Variants in PRTG observed in about 807,000 individuals in gnomAD.
PRTG encodes protogenin.
In PRTG, 67 loss-of-function variants were observed where a neutral mutation model predicts 122.5. The ratio of observed to expected loss-of-function variants is 0.55; its 90% CI spans 0.45 to 0.67. The LOEUF (loss-of-function observed/expected upper bound fraction) is 0.67. Among genes scored for constraint, PRTG ranks in the 30% least tolerant of loss-of-function variants. PRTG has a pLI of 0.00. For missense variants in PRTG, 1,435 were observed against 1,415.4 expected, an observed-to-expected ratio of 1.01 and a Z score of -0.22; for synonymous variants, 554 against 501.1, an observed-to-expected ratio of 1.11 and a Z score of -1.41.
intron 2 of PRTG, among the ~76,000 whole-genome samples, chr15:55,693,564 T>G (rs2059616722): frequency 6.6e-6 from 1 of 151,414 alleles, no homozygotes; most frequent in Non-Finnish European, 1.5e-5. Flanking sequence ...TATAGGGAGG[T>G]GGTACACTGG....
chr15:55,614,553 G>A lies in PRTG; in HGVS notation c.*5459C>T, dbSNP rs2059134091. On this transcript the variant is annotated 3_prime_UTR_variant, in exon 20 of 20. Transcript: ENST00000389286. ...GCAACATAACCACTGAAGAGAAAAG[G>A]AGAAAGGGTAACTATAAGAAGAGTT... The A allele has an allele frequency of 6.6e-6, 1 of 152,122 alleles. No homozygotes were observed. Among genetic ancestry groups the A allele is most frequent in the African/African-American group, 2.4e-5 (1 of 41,444 alleles). The allele number at this position is 152,122 out of a possible 1,614,324, so 9.4% of individuals were successfully genotyped here. A position where few individuals can be genotyped will look rare whatever the true frequency, so the allele number is the denominator to read the frequency against.
rs201439351 is a variant in PRTG, at chr15:55,637,532, TAA to T, written c.2453-194_2453-193del. ...TTGTATTTTCATAATACTCAAACAT[TAA>T]AACACATTAGATTCCTAGATGGAGA... is the stretch of plus-strand genomic sequence containing the variant. On this transcript the variant is annotated intron_variant, in intron 14 of 19. Transcript: ENST00000389286. 3.0e-3 allele frequency among the ~76,000 whole-genome samples: 460 copies of T among 152,280 alleles called. 2 individuals are homozygous for T. Among genetic ancestry groups the T allele is most frequent in the African/African-American group, 0.011 (439 of 41,536 alleles).
intron 2 of PRTG, among the ~76,000 whole-genome samples, chr15:55,731,200 CTTCT>C (rs2031218200): frequency 6.6e-6 from 1 of 151,604 alleles, no homozygotes; most frequent in Admixed American, 6.6e-5. Context: ...TAATTGTTAG[CTTCT>C]TTAATTCTAG....
At chr15:55,662,158 T>C (rs1379861152) in intron 11 of PRTG, among the ~76,000 whole-genome samples, 2 of 152,256 alleles carry the variant, frequency 1.3e-5, no homozygotes, top group East Asian at 1.9e-4. Context: ...TATATTGCTG[T>C]CTTTCTTCTT....
chr15:55,647,185 C>T (rs1567082320), intron 11 of PRTG, among the ~76,000 whole-genome samples: 1 of 152,058 alleles, frequency 6.6e-6, no homozygotes, highest in African/African-American at 2.4e-5. Flanking sequence ...GAAGCTGAGG[C>T]AGAAGAATCG....
At chr15:55,666,466 A>G (rs1241722026) in intron 11 of PRTG, among the ~76,000 whole-genome samples, 1 of 152,238 alleles carries the variant, frequency 6.6e-6, no homozygotes, top group African/African-American at 2.4e-5. Flanking sequence ...CTGTCCCATT[A>G]CAGAAAAAGT....
Position 55,740,632 on chromosome 15 carries a change from A to T in PRTG, c.147T>A (p.Thr49=), listed in dbSNP as rs901199356. ...LSFVKEPQDV[T]VTRKDPVVLD... is the part of the protein sequence containing the mutation. ...AAACGACTGGGTCCTTTCTTGTGAC[A>T]GTTACATCCTGTGGTTCTTTTACAA... Residue 49 remains threonine, a synonymous_variant, in exon 2 of 20, where the codon ACT becomes ACA. Coordinates refer to ENST00000389286, the MANE Select transcript of PRTG (RefSeq NM_173814.6). 6.2e-7 allele frequency: 1 copy of T among 1,614,154 alleles called. No individual in the cohort carries two copies. Among genetic ancestry groups the T allele is most frequent in the Non-Finnish European group, 8.5e-7 (1 of 1,180,012 alleles).
chr15:55,674,669 G>C (rs2059492157), intron 9 of PRTG, among the ~76,000 whole-genome samples: 1 of 152,078 alleles, frequency 6.6e-6, no homozygotes, highest in Admixed American at 6.5e-5. Flanking sequence ...GCATGATAAA[G>C]ATATAATAAG....
chr15:55,620,240 G>T lies in PRTG; in HGVS notation c.3225C>A (p.Val1075=), dbSNP rs2059158858. The change falls in exon 20 of 20, where the codon GTC becomes GTA. Residue 1075 remains valine, a synonymous_variant. Transcript: ENST00000389286. ...EQPQRRFTPA[V]CFYQPGTTVL... is the part of the protein sequence containing the mutation. Reference sequence around the variant, plus strand: ...CAGTGGTGCCTGGCTGGTAAAAGCAGACCGCTGGAGTAAATCTTCTTTGAG... The same window carrying T: ...CAGTGGTGCCTGGCTGGTAAAAGCATACCGCTGGAGTAAATCTTCTTTGAG... 1 of 1,614,122 alleles carries T rather than the reference G, an allele frequency of 6.2e-7. No individual in the cohort carries two copies. The highest frequency in any genetic ancestry group is 8.5e-7 in the Non-Finnish European group (1 of 1,180,018).
intron 15 of PRTG, among the ~76,000 whole-genome samples, chr15:55,633,555 T>C (rs2059239499): frequency 6.6e-6 from 1 of 152,244 alleles, no homozygotes; most frequent in Non-Finnish European, 1.5e-5. Context: ...GGATTAAATA[T>C]ATATGTAAAT....
At chr15:55,671,533 C>T (rs572011695) in intron 11 of PRTG, among the ~76,000 whole-genome samples, 6 of 152,178 alleles carry the variant, frequency 3.9e-5, no homozygotes, top group Non-Finnish European at 7.4e-5. Flanking sequence ...CTCGCACTGT[C>T]GCCCAGGCTG....
At chr15:55,734,177 A>G (rs1263594721) in intron 2 of PRTG, among the ~76,000 whole-genome samples, 1 of 152,202 alleles carries the variant, frequency 6.6e-6, no homozygotes, top group Non-Finnish European at 1.5e-5. Context: ...CAGTTGTGCC[A>G]AGGCTGAGAT....
rs2141701181 is a variant in PRTG, at chr15:55,616,231, G to T, written c.*3781C>A. The T allele has an allele frequency of 6.6e-6, 1 of 152,106 alleles. No individual in the cohort carries two copies. The highest frequency in any genetic ancestry group is 2.1e-4 in the South Asian group (1 of 4,822). 9.4% of individuals were successfully genotyped at this position (152,106 alleles called of 1,614,324 possible). A position where few individuals can be genotyped will look rare whatever the true frequency, so the allele number is the denominator to read the frequency against. The stretch of plus-strand genomic sequence containing the variant: ...AGTTTGAAAACTGAGCTCCTTTGGT[G>T]CAATGCAAACATTTCAATTTAACAA... On this transcript the variant is annotated 3_prime_UTR_variant, in exon 20 of 20. Transcript: ENST00000389286.
At chr15:55,658,445 A>G (rs1218089232) in intron 11 of PRTG, among the ~76,000 whole-genome samples, 1 of 151,864 alleles carries the variant, frequency 6.6e-6, no homozygotes, top group Non-Finnish European at 1.5e-5. Context: ...CCTCCCGAGT[A>G]GCTGGGACTG....
intron 2 of PRTG, among the ~76,000 whole-genome samples, chr15:55,719,226 C>G (rs1167056427): frequency 6.6e-6 from 1 of 152,084 alleles, no homozygotes; most frequent in African/African-American, 2.4e-5. Context: ...ATTGATTTTA[C>G]TAAAATATTT....
chr15:55,673,868 T>C (rs2059487635), intron 9 of PRTG, among the ~76,000 whole-genome samples, 192 bp from the exon 10 acceptor site: 2 of 152,278 alleles, frequency 1.3e-5, no homozygotes, highest in South Asian at 4.1e-4. Context: ...GGGCTAAGTG[T>C]GTGGAAACAA....
chr15:55,729,945 T>C (rs2031171251), intron 2 of PRTG, among the ~76,000 whole-genome samples: 1 of 152,188 alleles, frequency 6.6e-6, no homozygotes, highest in Non-Finnish European at 1.5e-5. Context: ...CATGAAGCGT[T>C]ACAGGACAGC....
chr15:55,715,785 T>A (rs2030577138), intron 2 of PRTG, among the ~76,000 whole-genome samples: 1 of 152,140 alleles, frequency 6.6e-6, no homozygotes, highest in Non-Finnish European at 1.5e-5. Flanking sequence ...AAAAAAGCAA[T>A]ACAACTCCTT....
At chr15:55,652,120 T>G (rs945247049) in intron 11 of PRTG, among the ~76,000 whole-genome samples, 7 of 152,238 alleles carry the variant, frequency 4.6e-5, no homozygotes, top group Non-Finnish European at 1.0e-4. Flanking sequence ...TTACTTAAAA[T>G]GCTGCTATAG....
Sources: allele counts gnomAD v4.1 joint callset (sites outside exome capture counted in the v4.1 genomes callset), GRCh38; gene constraint gnomAD v4.1.1; transcripts MANE v1.5; gene names NCBI Gene and HGNC (gene_info 2026-07-23, HGNC 2026-07-21).